SCLT1: variants seen among roughly 807,000 people sequenced by gnomAD.
SCLT1 encodes sodium channel and clathrin linker 1, also known as sodium channel-associated protein 1.
Under a neutral mutation model 112.8 loss-of-function variants are expected in SCLT1, and 78 were observed. That is an observed-to-expected ratio of 0.69 (90% CI 0.58 to 0.83). The LOEUF is 0.83. Ranked by LOEUF, SCLT1 falls within the 40% of genes least tolerant of loss-of-function variation. The pLI is 0.00. For missense variants in SCLT1, 747 were observed against 770.4 expected (o/e 0.97, Z 0.36); for synonymous variants, 257 against 254.7 (o/e 1.01, Z -0.09).
At chr4:128,961,039 A>C (rs1433811448) in intron 11 of SCLT1, among the ~76,000 whole-genome samples, 1 of 144,668 alleles carries the variant, frequency 6.9e-6, no homozygotes, top group Non-Finnish European at 1.5e-5. Flanking sequence ...GTTGTTGCCT[A>C]TTGACTCTAT....
intron 18 of SCLT1, among the ~76,000 whole-genome samples, chr4:128,894,321 C>T (rs774716647): frequency 1.3e-5 from 2 of 151,330 alleles, no homozygotes; most frequent in East Asian, 1.9e-4. Flanking sequence ...CTGCCCTATA[C>T]TGCAACATGG....
chr4:128,924,301 A>C (rs2125964967), intron 18 of SCLT1, among the ~76,000 whole-genome samples: 1 of 152,050 alleles, frequency 6.6e-6, no homozygotes, highest in East Asian at 1.9e-4. Context: ...TATTTGAGAC[A>C]GAGTCTTGCT....
intron 14 of SCLT1, 92 bp from the exon 15 acceptor site, chr4:128,948,662 C>T: frequency 2.2e-6 from 2 of 900,140 alleles, no homozygotes; most frequent in Admixed American, 2.3e-5. Flanking sequence ...ATGGGAATAT[C>T]ATAGTTATCA....
chr4:129,078,163 T>C (rs2125767163), intron 2 of SCLT1, among the ~76,000 whole-genome samples: 2 of 152,344 alleles, frequency 1.3e-5, no homozygotes, highest in South Asian at 4.1e-4. Flanking sequence ...AAAGCAGTTA[T>C]AATTCTTCCA....
chr4:128,936,515 T>C (rs1737195038), intron 18 of SCLT1, 140 bp downstream of exon 18: 1 of 492,136 alleles, frequency 2.0e-6, no homozygotes, highest in Non-Finnish European at 3.5e-6. Context: ...ATTTTTATAG[T>C]AGTTTCATAA....
At chr4:129,053,557 A>ATTTTTTTTTTGT (rs1749042331) in intron 2 of SCLT1, among the ~76,000 whole-genome samples, 1 of 45,218 alleles carries the variant, frequency 2.2e-5, no homozygotes, top group African/African-American at 9.1e-5. Flanking sequence ...GCAATCCCTG[A>ATTTTTTTTTTGT]TTTTTTTTTT....
intron 1 of SCLT1, among the ~76,000 whole-genome samples, chr4:129,085,242 G>A (rs541027791): frequency 7.9e-5 from 12 of 152,072 alleles, no homozygotes; most frequent in South Asian, 2.1e-4. Context: ...ACATATATGC[G>A]GTCAGCAAGC....
At chr4:128,922,026 C>G (rs542088143) in intron 18 of SCLT1, among the ~76,000 whole-genome samples, 1 of 152,068 alleles carries the variant, frequency 6.6e-6, no homozygotes, top group Non-Finnish European at 1.5e-5. Flanking sequence ...ATACATGCGG[C>G]CAACAAGCAT....
At chr4:129,074,455 A>C (rs1309699921) in intron 2 of SCLT1, among the ~76,000 whole-genome samples, 1 of 152,208 alleles carries the variant, frequency 6.6e-6, no homozygotes, top group East Asian at 1.9e-4. Flanking sequence ...ATGTTGATTT[A>C]GCAATCCTTT....
intron 18 of SCLT1, among the ~76,000 whole-genome samples, chr4:128,907,252 A>G (rs986236225): frequency 2.0e-5 from 3 of 152,234 alleles, no homozygotes; most frequent in African/African-American, 7.2e-5. Context: ...AGAAGTGACG[A>G]TTCGATTTGA....
At chr4:129,060,448 C>A (rs1170817979) in intron 2 of SCLT1, among the ~76,000 whole-genome samples, 2 of 152,162 alleles carry the variant, frequency 1.3e-5, no homozygotes, top group African/African-American at 4.8e-5. Context: ...GGAACAATCA[C>A]CTCTTCCACA....
intron 5 of SCLT1, among the ~76,000 whole-genome samples, chr4:129,033,502 T>TCAA (rs1746921625): frequency 2.3e-5 from 1 of 44,300 alleles, no homozygotes; most frequent in Non-Finnish European, 4.2e-5. Flanking sequence ...GAACTTAAAG[T>TCAA]AAAAAAAAAA....
chr4:128,908,731 G>A (rs1164585498), intron 18 of SCLT1, among the ~76,000 whole-genome samples: 3 of 152,148 alleles, frequency 2.0e-5, no homozygotes, highest in Non-Finnish European at 4.4e-5. Flanking sequence ...CTTCTATGCA[G>A]TTCTCACCAA....
At chr4:128,938,987 A>C (rs1053692525) in intron 17 of SCLT1, among the ~76,000 whole-genome samples, 2 of 152,110 alleles carry the variant, frequency 1.3e-5, no homozygotes, top group Non-Finnish European at 2.9e-5. Flanking sequence ...CAAACAACAA[A>C]AACAACAACA....
intron 2 of SCLT1, among the ~76,000 whole-genome samples, chr4:129,053,784 G>C (rs917493335): frequency 1.2e-4 from 18 of 151,868 alleles, no homozygotes; most frequent in African/African-American, 4.4e-4. Flanking sequence ...GTGTGAATTT[G>C]ATCCTGTCAT....
At chr4:129,064,532 C>T (rs949425895) in intron 2 of SCLT1, among the ~76,000 whole-genome samples, 1 of 152,074 alleles carries the variant, frequency 6.6e-6, no homozygotes, top group African/African-American at 2.4e-5. Flanking sequence ...TTATAGTCTG[C>T]TTGCCTTCTT....
intron 11 of SCLT1, 44 bp from the exon 12 acceptor site, chr4:128,959,821 G>A: frequency 6.8e-7 from 1 of 1,471,504 alleles, no homozygotes; most frequent in Non-Finnish European, 9.5e-7. Context: ...CTTTTTTAAA[G>A]GGAAGGAGGG....
At chr4:129,028,831 CA>C (rs930506851) in intron 5 of SCLT1, among the ~76,000 whole-genome samples, 56 of 146,136 alleles carry the variant, frequency 3.8e-4, no homozygotes, top group South Asian at 6.5e-4. Flanking sequence ...AAATTTACAA[CA>C]AAAAAAAAAC....
At chr4:129,060,848 A>T (rs373963299) in intron 2 of SCLT1, among the ~76,000 whole-genome samples, 1 of 152,134 alleles carries the variant, frequency 6.6e-6, no homozygotes, top group Non-Finnish European at 1.5e-5. Context: ...TCTTAGGCTC[A>T]GCATTTCATC....
Sources: allele counts gnomAD v4.1 joint callset (sites outside exome capture counted in the v4.1 genomes callset), GRCh38; gene constraint gnomAD v4.1.1; transcripts MANE v1.5; gene names NCBI Gene and HGNC (gene_info 2026-07-23, HGNC 2026-07-21).